CDH12: variants seen among roughly 807,000 people sequenced by gnomAD.
The protein encoded by CDH12 is cadherin 12.
In CDH12, 41 loss-of-function variants were observed where a neutral mutation model predicts 74.1. That is an observed-to-expected ratio of 0.55 (90% CI 0.43 to 0.72). CDH12 has a LOEUF of 0.72. CDH12 is among the 30% of genes least tolerant of loss of function. The pLI is 0.00. For missense variants in CDH12, 945 were observed against 977.2 expected (o/e 0.97, Z 0.44); for synonymous variants, 399 against 355.0 (o/e 1.12, Z -1.39).
chr5:22,151,527 C>G (rs1747582129), intron 4 of CDH12, among the ~76,000 whole-genome samples: 1 of 152,166 alleles, frequency 6.6e-6, no homozygotes, highest in Non-Finnish European at 1.5e-5. Flanking sequence ...AAAGGGTTAA[C>G]TCTTTTTTTG....
At chr5:22,350,394 A>T (rs1740310640) in intron 3 of CDH12, among the ~76,000 whole-genome samples, 1 of 152,210 alleles carries the variant, frequency 6.6e-6, no homozygotes, top group Non-Finnish European at 1.5e-5. Context: ...TGAACTACGC[A>T]GTCAGAATAG....
chr5:22,008,828 ACCCTT>A (rs1391835543), intron 5 of CDH12, among the ~76,000 whole-genome samples: 5 of 152,034 alleles, frequency 3.3e-5, no homozygotes, highest in Non-Finnish European at 5.9e-5. Context: ...GTCTTCTGGG[ACCCTT>A]CCCCAGTGTG....
chr5:22,010,191 A>C (rs542780258), intron 5 of CDH12, among the ~76,000 whole-genome samples: 1 of 152,280 alleles, frequency 6.6e-6, no homozygotes, highest in East Asian at 1.9e-4. Flanking sequence ...GTAGTGGCCT[A>C]ATTTTCCAGA....
intron 10 of CDH12, among the ~76,000 whole-genome samples, chr5:21,794,174 G>T (rs539717513): frequency 6.6e-6 from 1 of 151,694 alleles, no homozygotes; most frequent in Non-Finnish European, 1.5e-5. Context: ...ATACACCTGG[G>T]TGTTCTGGCA....
chr5:22,020,166 G>A lies in CDH12; in HGVS notation c.232-44781C>T, dbSNP rs568954179. On this transcript the variant is annotated intron_variant, in intron 5 of 14. Coordinates refer to ENST00000382254, the MANE Select transcript of CDH12 (RefSeq NM_004061.5). ...CTATGGAATAATGACTGCAAGACAG[G>A]GTATGTTAGTTGGCTTGGGCTGCCA... is the stretch of plus-strand genomic sequence containing the variant. Among the ~76,000 whole-genome samples, 407 of 152,244 alleles carry A rather than the reference G, an allele frequency of 2.7e-3. 1 individual carries two copies. The highest frequency in any genetic ancestry group is 4.5e-3 in the Non-Finnish European group (306 of 68,024).
At chr5:21,923,120 A>G (rs1458408113) in intron 6 of CDH12, among the ~76,000 whole-genome samples, 2 of 152,120 alleles carry the variant, frequency 1.3e-5, no homozygotes, top group African/African-American at 4.8e-5. Context: ...TTTTAATGCA[A>G]TAAAGTTTTA....
At chr5:21,938,240 A>C (rs1319518564) in intron 6 of CDH12, among the ~76,000 whole-genome samples, 1 of 151,968 alleles carries the variant, frequency 6.6e-6, no homozygotes, top group African/African-American at 2.4e-5. Context: ...TTTAATGACT[A>C]CTGTTTTGTA....
chr5:21,960,479 C>T (rs1394063475), intron 6 of CDH12, among the ~76,000 whole-genome samples: 1 of 152,094 alleles, frequency 6.6e-6, no homozygotes, highest in African/African-American at 2.4e-5. Context: ...AAACAAACCT[C>T]AATTGAGCGT....
At chr5:22,245,863 C>A (rs1445808006) in intron 3 of CDH12, among the ~76,000 whole-genome samples, 2 of 152,014 alleles carry the variant, frequency 1.3e-5, no homozygotes, top group Non-Finnish European at 2.9e-5. Flanking sequence ...AGCTTTATTA[C>A]CCTCTTATTC....
intron 1 of CDH12, among the ~76,000 whole-genome samples, chr5:22,848,534 C>T (rs944580571): frequency 6.6e-6 from 1 of 152,108 alleles, no homozygotes; most frequent in Non-Finnish European, 1.5e-5. Context: ...AGTTTGTTAC[C>T]CACACCCCCA....
intron 2 of CDH12, among the ~76,000 whole-genome samples, chr5:22,478,024 G>T (rs1180561108): frequency 6.6e-6 from 1 of 152,108 alleles, no homozygotes; most frequent in Non-Finnish European, 1.5e-5. Context: ...TAGGGGATTA[G>T]ACTCATTATA....
intron 1 of CDH12, among the ~76,000 whole-genome samples, chr5:22,851,340 G>A (rs186510479): frequency 6.6e-6 from 1 of 152,152 alleles, no homozygotes; most frequent in Admixed American, 6.5e-5. Flanking sequence ...TCCCCCTACT[G>A]CTTGGAAATG....
chr5:22,380,166 T>C (rs1242976436), intron 3 of CDH12, among the ~76,000 whole-genome samples: 1 of 152,194 alleles, frequency 6.6e-6, no homozygotes, highest in African/African-American at 2.4e-5. Flanking sequence ...AGGGTAAACT[T>C]GTAGAGGGTC....
chr5:22,267,699 G>T (rs1050694971), intron 3 of CDH12, among the ~76,000 whole-genome samples: 2 of 152,114 alleles, frequency 1.3e-5, no homozygotes, highest in African/African-American at 4.8e-5. Flanking sequence ...GACTATAACA[G>T]ATAGACGGCT....
At chr5:21,942,433 A>G (rs1360843859) in intron 6 of CDH12, among the ~76,000 whole-genome samples, 1 of 150,634 alleles carries the variant, frequency 6.6e-6, no homozygotes, top group Non-Finnish European at 1.5e-5. Context: ...GTAAATCTAA[A>G]TCTAGATTTT....
intron 1 of CDH12, among the ~76,000 whole-genome samples, chr5:22,518,700 C>G (rs780102663): frequency 1.3e-5 from 2 of 152,154 alleles, no homozygotes; most frequent in African/African-American, 4.8e-5. Context: ...TTATCTCTGA[C>G]TTCCACACCC....
intron 3 of CDH12, among the ~76,000 whole-genome samples, chr5:22,236,633 A>G (rs1164564900): frequency 6.6e-6 from 1 of 152,030 alleles, no homozygotes; most frequent in African/African-American, 2.4e-5. Flanking sequence ...TGTATTCCCA[A>G]CTACTTGGGA....
intron 1 of CDH12, among the ~76,000 whole-genome samples, chr5:22,595,333 T>C (rs977081354): frequency 6.6e-5 from 10 of 152,056 alleles, no homozygotes; most frequent in African/African-American, 1.9e-4. Flanking sequence ...CATAGCCAAG[T>C]CAAACACAGA....
At chr5:21,888,376 C>T (rs1313210502) in intron 6 of CDH12, among the ~76,000 whole-genome samples, 1 of 152,150 alleles carries the variant, frequency 6.6e-6, no homozygotes, top group African/African-American at 2.4e-5. Context: ...GAGACTACAT[C>T]ACTAACAATG....
Sources: gnomAD v4.1 joint callset for allele counts (sites outside exome capture counted in the v4.1 genomes callset) on GRCh38, gnomAD v4.1.1 for gene constraint, MANE v1.5 for transcripts, NCBI Gene and HGNC (gene_info 2026-07-23, HGNC 2026-07-21) for gene names.